PKIB: variants seen among roughly 807,000 people sequenced by gnomAD.
PKIB encodes PKI-beta.
PKIB carries 2 observed loss-of-function variants against 4.5 expected under a neutral mutation model. That is an observed-to-expected ratio of 0.44 (90% CI 0.18 to 1.39). The LOEUF is 1.39. PKIB is among the 40% of genes most tolerant of loss of function. The pLI is 0.27. For missense variants in PKIB, 94 were observed against 92.6 expected (o/e 1.02, Z -0.06); for synonymous variants, 38 against 36.0 (o/e 1.06, Z -0.20).
At chr6:122,588,661 C>A (rs1386870381) in intron 3 of PKIB, among the ~76,000 whole-genome samples, 1 of 152,132 alleles carries the variant, frequency 6.6e-6, no homozygotes, top group Non-Finnish European at 1.5e-5. Context: ...GTATAAATAT[C>A]TGTTTACACA....
chr6:122,702,319 A>C (rs980224140), intron 3 of PKIB, among the ~76,000 whole-genome samples: 19 of 132,854 alleles, frequency 1.4e-4, no homozygotes, highest in African/African-American at 5.0e-4. Context: ...GTAATTTTTT[A>C]AAAAAACTTT....
intron 3 of PKIB, among the ~76,000 whole-genome samples, chr6:122,602,368 T>C (rs146915176): frequency 6.9e-4 from 105 of 152,318 alleles, no homozygotes; most frequent in Non-Finnish European, 1.4e-3. Context: ...TTGTTTTCTC[T>C]AACATTTTGT....
chr6:122,723,111 C>T (rs1779807559), intron 4 of PKIB, among the ~76,000 whole-genome samples: 1 of 152,176 alleles, frequency 6.6e-6, no homozygotes, highest in Non-Finnish European at 1.5e-5. Context: ...CCTCATCTCC[C>T]CTAACTCTAA....
chr6:122,587,744 T>C (rs1369156271), intron 3 of PKIB, among the ~76,000 whole-genome samples: 1 of 152,180 alleles, frequency 6.6e-6, no homozygotes, highest in South Asian at 2.1e-4. Context: ...TGGTACCTCA[T>C]TGTGGTTTTG....
intron 1 of PKIB, among the ~76,000 whole-genome samples, chr6:122,612,140 T>C (rs529550516): frequency 1.5e-3 from 225 of 152,334 alleles, no homozygotes; most frequent in African/African-American, 5.2e-3. Context: ...ACATATTGTT[T>C]AGATCAATGA....
chr6:122,615,161 T>C (rs1415671635), intron 1 of PKIB, among the ~76,000 whole-genome samples: 1 of 152,098 alleles, frequency 6.6e-6, no homozygotes, highest in Non-Finnish European at 1.5e-5. Flanking sequence ...CTGTGTATTG[T>C]AGTGAAGTAG....
intron 4 of PKIB, among the ~76,000 whole-genome samples, chr6:122,719,850 CACA>C (rs1779662790): frequency 1.3e-5 from 2 of 151,436 alleles, no homozygotes; most frequent in South Asian, 2.1e-4. Context: ...CATCATGTTG[CACA>C]ACAACATAAA....
At chr6:122,579,504 T>G (rs1164669653) in intron 2 of PKIB, among the ~76,000 whole-genome samples, 4 of 152,210 alleles carry the variant, frequency 2.6e-5, no homozygotes, top group Non-Finnish European at 4.4e-5. Context: ...CTGTACTACA[T>G]TACAGCACTT....
intron 2 of PKIB, among the ~76,000 whole-genome samples, chr6:122,501,146 C>T (rs1167250282): frequency 1.3e-5 from 2 of 152,324 alleles, no homozygotes; most frequent in East Asian, 3.9e-4. Flanking sequence ...ATCATGACTT[C>T]CCAACAGTCC....
chr6:122,556,445 A>G (rs1026398292), intron 2 of PKIB, among the ~76,000 whole-genome samples: 16 of 152,168 alleles, frequency 1.1e-4, no homozygotes, highest in Non-Finnish European at 1.6e-4. Flanking sequence ...ATTTTTAGAA[A>G]CAACAAACTT....
At chr6:122,512,830 C>T (rs1362191794) in intron 2 of PKIB, among the ~76,000 whole-genome samples, 1 of 152,210 alleles carries the variant, frequency 6.6e-6, no homozygotes, top group Non-Finnish European at 1.5e-5. Flanking sequence ...CCCAAGAGGG[C>T]AAGTCAACCC....
At chr6:122,681,748 A>G (rs1777903749) in intron 3 of PKIB, among the ~76,000 whole-genome samples, 1 of 152,232 alleles carries the variant, frequency 6.6e-6, no homozygotes, top group Non-Finnish European at 1.5e-5. Context: ...TAATTAAATG[A>G]TGCTTTTCCA....
chr6:122,636,836 G>T (rs952910792), intron 2 of PKIB, among the ~76,000 whole-genome samples: 1 of 152,084 alleles, frequency 6.6e-6, no homozygotes, highest in African/African-American at 2.4e-5. Flanking sequence ...TATTAAAATT[G>T]TGTGGTACTA....
At chr6:122,694,195 A>G (rs1231673848) in intron 3 of PKIB, among the ~76,000 whole-genome samples, 1 of 151,988 alleles carries the variant, frequency 6.6e-6, no homozygotes. Flanking sequence ...CCTAACCTTT[A>G]CTCCAATTCA....
At chr6:122,697,430 G>A (rs1323444216) in intron 3 of PKIB, among the ~76,000 whole-genome samples, 1 of 151,704 alleles carries the variant, frequency 6.6e-6, no homozygotes, top group Non-Finnish European at 1.5e-5. Context: ...TAGGAGATGT[G>A]CCTTCCTAGG....
intron 2 of PKIB, chr6:122,480,113 G>T (rs1253854619): frequency 6.6e-6 from 1 of 151,722 alleles, no homozygotes; most frequent in Non-Finnish European, 1.5e-5. Flanking sequence ...TGCAATCTTG[G>T]CTCACTGCAA....
intron 2 of PKIB, among the ~76,000 whole-genome samples, chr6:122,504,777 A>G (rs1489727126): frequency 6.6e-6 from 1 of 152,222 alleles, no homozygotes; most frequent in Non-Finnish European, 1.5e-5. Flanking sequence ...GCATAACTGT[A>G]GTACATAAAA....
chr6:122,509,006 C>A (rs1776506592), intron 2 of PKIB, among the ~76,000 whole-genome samples: 1 of 152,164 alleles, frequency 6.6e-6, no homozygotes, highest in Admixed American at 6.5e-5. Flanking sequence ...ACCTCAGCCT[C>A]CCAAAGTGCT....
At chr6:122,599,188 G>A (rs1390208646) in intron 3 of PKIB, among the ~76,000 whole-genome samples, 1 of 152,178 alleles carries the variant, frequency 6.6e-6, no homozygotes, top group Non-Finnish European at 1.5e-5. Context: ...CACAGGGTTT[G>A]TCTCCTCAGA....
Sources: gnomAD v4.1 joint callset for allele counts (sites outside exome capture counted in the v4.1 genomes callset) on GRCh38, gnomAD v4.1.1 for gene constraint, MANE v1.5 for transcripts, NCBI Gene and HGNC (gene_info 2026-07-23, HGNC 2026-07-21) for gene names.